The following FYB1 variants were observed in gnomAD, a reference collection of about 807,000 sequenced individuals.
FYB1 encodes FYN-binding protein 1.
Under a neutral mutation model 94.1 loss-of-function variants are expected in FYB1, and 41 were observed. That is an observed-to-expected ratio of 0.44 (90% confidence interval 0.34 to 0.57). FYB1 has a LOEUF of 0.57. Ranked by LOEUF, FYB1 falls within the 20% of genes least tolerant of loss-of-function variation. The pLI is 0.02. For missense variants in FYB1, 1,050 were observed against 976.8 expected, an observed-to-expected ratio of 1.07 and a Z score of -1.00; for synonymous variants, 367 against 353.2, an observed-to-expected ratio of 1.04 and a Z score of -0.44.
chr5:39,244,694 G>A (rs1181160800), intron 1 of FYB1, among the ~76,000 whole-genome samples: 1 of 152,124 alleles, frequency 6.6e-6, no homozygotes, highest in Non-Finnish European at 1.5e-5. Context: ...TCTATTGATT[G>A]GAATAGTTTC....
intron 2 of FYB1, among the ~76,000 whole-genome samples, chr5:39,192,041 T>G (rs574374142): frequency 2.4e-4 from 36 of 152,346 alleles, no homozygotes; most frequent in African/African-American, 7.5e-4. Flanking sequence ...CAAAAGCGTA[T>G]TTATCATCTA....
At chr5:39,227,128 T>C (rs577405118) in intron 1 of FYB1, among the ~76,000 whole-genome samples, 2 of 152,292 alleles carry the variant, frequency 1.3e-5, no homozygotes, top group South Asian at 4.1e-4. Flanking sequence ...CACACTCACA[T>C]ACGTTCATAT....
intron 13 of FYB1, 97 bp from the exon 14 acceptor site, chr5:39,122,499 A>G: frequency 1.4e-6 from 1 of 732,334 alleles, no homozygotes; most frequent in South Asian, 1.7e-5. Flanking sequence ...TGCTTCAAGG[A>G]CAATAAAATA....
chr5:39,200,442 A>G (rs895402387), intron 2 of FYB1, among the ~76,000 whole-genome samples: 1 of 152,244 alleles, frequency 6.6e-6, no homozygotes, highest in Non-Finnish European at 1.5e-5. Context: ...GTGAAGTCAC[A>G]GCCATAAAAT....
chr5:39,244,402 T>C (rs1039296768), intron 1 of FYB1, among the ~76,000 whole-genome samples: 25 of 112,460 alleles, frequency 2.2e-4, no homozygotes, highest in Non-Finnish European at 3.1e-4. Context: ...GAGATAATCA[T>C]GTTTTTTGTC....
chr5:39,234,762 A>C (rs1471130057), intron 1 of FYB1, among the ~76,000 whole-genome samples: 1 of 152,114 alleles, frequency 6.6e-6, no homozygotes, highest in African/African-American at 2.4e-5. Flanking sequence ...TGAAGCTGGA[A>C]ACCATCATTC....
chr5:39,113,304 T>C (rs565739139), intron 16 of FYB1, among the ~76,000 whole-genome samples: 1 of 152,248 alleles, frequency 6.6e-6, no homozygotes, highest in East Asian at 1.9e-4. Flanking sequence ...CTCATCATGG[T>C]CTGTATCATG....
At chr5:39,254,824 A>C (rs1477666995) in intron 1 of FYB1, among the ~76,000 whole-genome samples, 1 of 152,200 alleles carries the variant, frequency 6.6e-6, no homozygotes, top group African/African-American at 2.4e-5. Context: ...AAGAGGGATT[A>C]GTGCTGGAGA....
chr5:39,157,720 G>C (rs72734750), intron 2 of FYB1, among the ~76,000 whole-genome samples: 64 of 152,174 alleles, frequency 4.2e-4, no homozygotes, highest in East Asian at 7.7e-4. Context: ...CAAAGCTCAG[G>C]GGGGGAATGC....
In FYB1 at chr5:39,202,241, T is replaced by A; in HGVS notation, c.720A>T (p.Pro240=). Residue 240 remains proline, a synonymous_variant, in exon 2 of 19, where the codon CCA becomes CCT. Transcript: ENST00000512982. ...GVRSKSGPLK[P]AREDSENKDH... ...CTTTATTTTCTGAGTCTTCCCTTGC[T>A]GGTTTTAAAGGGCCGCTTTTGGACC... 6.2e-7 allele frequency: 1 copy of A among 1,613,994 alleles called. No individual in the cohort carries two copies. The highest frequency in any genetic ancestry group is 8.5e-7 in the Non-Finnish European group (1 of 1,179,888).
intron 1 of FYB1, among the ~76,000 whole-genome samples, chr5:39,209,422 G>C (rs1265948618): frequency 1.3e-5 from 2 of 151,612 alleles, no homozygotes; most frequent in Non-Finnish European, 2.9e-5. Context: ...TGCCTCCTGG[G>C]TTCAAGCGAT....
Position 39,127,766 on chromosome 5 carries a change from TC to T in FYB1, c.1881del (p.Ile628LeufsTer26). ...CCATCATCAGCATCTTCCTCTTCAA[TC>T]CCATCATAAATGTCATCATCTGGTG... ...PPPPDDDIYD[G>X]IEEEDADDGS... is the part of the protein sequence containing the mutation. On this transcript the variant is annotated frameshift_variant, in exon 11 of 19. Transcript: ENST00000512982. LOFTEE classifies it high-confidence loss of function. The T allele has an allele frequency of 6.2e-7, 1 of 1,604,842 alleles. No homozygotes were observed. The highest frequency in any genetic ancestry group is 8.5e-7 in the Non-Finnish European group (1 of 1,175,214).
chr5:39,248,212 C>A (rs1256743949), intron 1 of FYB1, among the ~76,000 whole-genome samples: 1 of 152,130 alleles, frequency 6.6e-6, no homozygotes, highest in Non-Finnish European at 1.5e-5. Flanking sequence ...ATAAATTAAG[C>A]TTCTGACACC....
chr5:39,200,680 T>C (rs1748228443), intron 2 of FYB1, among the ~76,000 whole-genome samples: 2 of 152,200 alleles, frequency 1.3e-5, no homozygotes, highest in Non-Finnish European at 2.9e-5. Context: ...AGCAGAGGAC[T>C]TGATCACTAA....
chr5:39,134,322 T>G lies in FYB1; in HGVS notation c.1703A>C (p.Glu568Ala). The G allele has an allele frequency of 1.2e-6, 2 of 1,610,024 alleles. No homozygotes were observed. Among genetic ancestry groups the G allele is most frequent in the Non-Finnish European group, 1.7e-6 (2 of 1,177,010 alleles). Residue 568 changes from glutamate (E) to alanine (A), a missense_variant, in exon 9 of 19, where the codon GAG (glutamate) becomes GCG (alanine). By Grantham distance (107) the Glu-to-Ala change is moderately radical. Coordinates refer to ENST00000512982, the MANE Select transcript of FYB1 (RefSeq NM_001465.6). The stretch of plus-strand genomic sequence containing the variant: ...CAGTTTCAAAGAATCATAGTCAATC[T>G]CTACAGCAGTTGTTTTAATATAGCC... ...SYGYIKTTAV[E>A]IDYDSLKLKK...
chr5:39,172,764 G>T (rs1430877267), intron 2 of FYB1, among the ~76,000 whole-genome samples: 2 of 152,164 alleles, frequency 1.3e-5, no homozygotes, highest in African/African-American at 4.8e-5. Context: ...CCATGTTGCT[G>T]CAAAGGACAT....
intron 1 of FYB1, among the ~76,000 whole-genome samples, chr5:39,244,030 G>A (rs990576234): frequency 2.2e-4 from 33 of 152,160 alleles, no homozygotes; most frequent in Admixed American, 1.4e-3. Flanking sequence ...ATCAGCTTAA[G>A]GAGATTTTGG....
chr5:39,215,119 G>A (rs1353708738), intron 1 of FYB1, among the ~76,000 whole-genome samples: 4 of 152,048 alleles, frequency 2.6e-5, no homozygotes, highest in East Asian at 1.9e-4. Flanking sequence ...CAATGTTTGC[G>A]CAACAATGCG....
intron 1 of FYB1, among the ~76,000 whole-genome samples, chr5:39,255,405 C>T (rs1424470754): frequency 4.0e-5 from 6 of 150,926 alleles, no homozygotes; most frequent in South Asian, 2.1e-4. Flanking sequence ...TGCTTTATCA[C>T]ATCTCTCCAT....
Sources: gnomAD v4.1 joint callset for allele counts (sites outside exome capture counted in the v4.1 genomes callset) on GRCh38, gnomAD v4.1.1 for gene constraint, MANE v1.5 for transcripts, NCBI Gene and HGNC (gene_info 2026-07-23, HGNC 2026-07-21) for gene names.